P4HA2: variants seen among roughly 807,000 people sequenced by gnomAD.
The protein encoded by P4HA2 is prolyl 4-hydroxylase subunit alpha 2.
A neutral mutation model predicts 76.9 loss-of-function variants in P4HA2; 46 were observed. The observed-to-expected ratio is 0.60, with a 90% CI of 0.47 to 0.76. P4HA2 has a LOEUF of 0.76. P4HA2 is among the 30% of genes least tolerant of loss of function. P4HA2 has a pLI of 0.00. For missense variants in P4HA2, 583 were observed against 669.4 expected (o/e 0.87, Z 1.42); for synonymous variants, 243 against 254.0 (o/e 0.96, Z 0.41).
intron 1 of P4HA2, among the ~76,000 whole-genome samples, chr5:132,224,070 G>A (rs922222803): frequency 1.1e-4 from 17 of 152,188 alleles, no homozygotes; most frequent in Admixed American, 9.8e-4. Flanking sequence ...AGGGAGGAAC[G>A]CAACATGGAC....
chr5:132,218,738 T>C, intron 1 of P4HA2, 94 bp from the exon 2 acceptor site: 1 of 713,058 alleles, frequency 1.4e-6, no homozygotes, highest in South Asian at 1.6e-5. Flanking sequence ...CATATGCAGA[T>C]AATCAAACAT....
At chr5:132,213,865 G>T (rs768277738) in intron 5 of P4HA2, 51 bp downstream of exon 5, 4 of 1,590,756 alleles carry the variant, frequency 2.5e-6, no homozygotes, top group Non-Finnish European at 8.6e-7. Flanking sequence ...AACCTGTCCC[G>T]CCACTAAAGA....
chr5:132,227,023 C>T (rs1755497360), intron 1 of P4HA2: 1 of 152,676 alleles, frequency 6.5e-6, no homozygotes, highest in Non-Finnish European at 1.5e-5. Context: ...GTCCTCTGGC[C>T]GGAGGCAGTC....
Position 132,209,135 on chromosome 5 carries a change from C to T in P4HA2, c.903+3G>A. The T allele has an allele frequency of 1.2e-6, 2 of 1,610,060 alleles. No individual in the cohort carries two copies. The highest frequency in any genetic ancestry group is 1.7e-6 in the Non-Finnish European group (2 of 1,177,814). On this transcript the variant is annotated splice_donor_region_variant and intron_variant, in intron 7 of 14. Coordinates refer to ENST00000360568, the MANE Select transcript of P4HA2 (RefSeq NM_001017974.2). ...GGCACCCTAGCCCCCTCACACATCTCACCAGTTTGACACCCTCCCCACGAC... is the reference window on the plus strand; with the variant it reads ...GGCACCCTAGCCCCCTCACACATCTTACCAGTTTGACACCCTCCCCACGAC...
intron 12 of P4HA2, 85 bp downstream of exon 12, chr5:132,198,236 C>T (rs200733390): frequency 3.3e-5 from 53 of 1,614,070 alleles, no homozygotes; most frequent in Admixed American, 8.3e-5. Context: ...CACGATTCCC[C>T]GTCCCTAAAT....
chr5:132,202,155 G>A (rs1580669411), intron 10 of P4HA2: 1 of 152,158 alleles, frequency 6.6e-6, no homozygotes, highest in East Asian at 1.9e-4. Flanking sequence ...GTCCTCCATG[G>A]ATGTGCTTAT....
At position 132,192,347 on chromosome 5, in the gene P4HA2, C is replaced by T. The variant is rs959323198; in HGVS notation, c.*663G>A. On this transcript the variant is annotated 3_prime_UTR_variant, in exon 15 of 15. Transcript: ENST00000360568. ...TCTCAAAATTTAAAAATGAAGTACA[C>T]ATTATAACAGCATTACAATCATGAA... is the stretch of plus-strand genomic sequence containing the variant. 1.3e-5 allele frequency: 2 copies of T among 152,208 alleles called. No homozygotes were observed. The highest frequency in any genetic ancestry group is 2.4e-5 in the African/African-American group (1 of 41,436). The allele number at this position is 152,208 out of a possible 1,614,324, so 9.4% of individuals were successfully genotyped here. A position where few individuals can be genotyped will look rare whatever the true frequency, so the allele number is the denominator to read the frequency against.
chr5:132,193,387 G>C, intron 14 of P4HA2: 3 of 174,172 alleles, frequency 1.7e-5, no homozygotes, highest in Non-Finnish European at 2.4e-5. Flanking sequence ...TATTCCCATG[G>C]CAACCTGCAC....
chr5:132,212,131 T>C lies in P4HA2; in HGVS notation c.470-1608A>G, dbSNP rs990856311. On this transcript the variant is annotated intron_variant, in intron 5 of 14. Coordinates refer to ENST00000360568, the MANE Select transcript of P4HA2 (RefSeq NM_001017974.2). ...GGGTAAAGGTATTCCTATAGAGGGG[T>C]TGAGACAAAAGAGCTGAGTGATAGG... Among the ~76,000 whole-genome samples the C allele has an allele frequency of 5.3e-5, 8 of 151,676 alleles. No homozygotes were observed. The East Asian group carries it at 5.8e-4, about 11-fold the overall frequency.
In P4HA2 at chr5:132,218,670, T is replaced by C. The variant is rs778903430; in HGVS notation, c.-18-26A>G. ...CTGAAAGGCATTCAATGACAATCAC[T>C]GGATCAACAAAGTGAAAAAGACTAA... On this transcript the variant is annotated intron_variant, in intron 1 of 14. Transcript: ENST00000360568. 5 of 1,425,864 alleles carry C rather than the reference T, an allele frequency of 3.5e-6. No individual in the cohort carries two copies. In the South Asian group the frequency reaches 4.6e-5, roughly 13 times the overall value. 88.3% of individuals were successfully genotyped at this position (1,425,864 alleles called of 1,614,324 possible). A position where few individuals can be genotyped will look rare whatever the true frequency, so the allele number is the denominator to read the frequency against.
chr5:132,210,407 G>A lies in P4HA2; in HGVS notation c.586C>T (p.Leu196Phe). Residue 196 changes from leucine (L) to phenylalanine (F), a missense_variant, in exon 6 of 15, where the codon CTT (leucine) becomes TTT (phenylalanine). Physicochemically the swap from Leu to Phe is conservative, Grantham distance 22. Transcript: ENST00000360568. ...GTGGTGGCCTCCTCCCCGGCATCAAGCTGCTTTAGCACCTGCTCCATCCAC... is the reference window on the plus strand; with the variant it reads ...GTGGTGGCCTCCTCCCCGGCATCAAACTGCTTTAGCACCTGCTCCATCCAC... Reference protein sequence around the residue: ...VLWMEQVLKQLDAGEEATTTK... With the variant: ...VLWMEQVLKQFDAGEEATTTK... The A allele has an allele frequency of 6.2e-7, 1 of 1,614,132 alleles. No individual in the cohort carries two copies. Among genetic ancestry groups the A allele is most frequent in the Non-Finnish European group, 8.5e-7 (1 of 1,180,012 alleles).
intron 5 of P4HA2, 56 bp from the exon 6 acceptor site, chr5:132,210,579 A>G: frequency 6.3e-7 from 1 of 1,599,384 alleles, no homozygotes; most frequent in South Asian, 1.1e-5. Context: ...TTAGGGAAAG[A>G]GATTCCCACT....
intron 12 of P4HA2, among the ~76,000 whole-genome samples, chr5:132,196,186 A>G (rs1315247958): frequency 6.6e-6 from 1 of 152,228 alleles, no homozygotes; most frequent in African/African-American, 2.4e-5. Context: ...AATTGGAGGT[A>G]AAAAATATTT....
intron 9 of P4HA2, 82 bp from the exon 10 acceptor site, chr5:132,203,929 G>T: frequency 8.1e-7 from 1 of 1,233,650 alleles, no homozygotes; most frequent in Non-Finnish European, 1.2e-6. Flanking sequence ...CCAGAGTCAG[G>T]GCCAGCATGA....
At chr5:132,218,685 A>G (rs1754253286) in intron 1 of P4HA2, 41 bp from the exon 2 acceptor site, 1 of 1,255,404 alleles carries the variant, frequency 8.0e-7, no homozygotes, top group Non-Finnish European at 1.2e-6. Flanking sequence ...CAACAAAGTG[A>G]AAAAGACTAA....
chr5:132,213,061 A>G (rs1753306406), intron 5 of P4HA2, among the ~76,000 whole-genome samples: 1 of 152,216 alleles, frequency 6.6e-6, no homozygotes, highest in Non-Finnish European at 1.5e-5. Context: ...CTGGGAAGTC[A>G]GTGGGAGAGG....
intron 5 of P4HA2, among the ~76,000 whole-genome samples, chr5:132,213,314 G>T (rs865871385): frequency 2.0e-5 from 3 of 152,210 alleles, no homozygotes; most frequent in African/African-American, 7.2e-5. Flanking sequence ...GTGAGTTCAG[G>T]AGTATATGGG....
intron 5 of P4HA2, among the ~76,000 whole-genome samples, chr5:132,212,635 C>A (rs1193698109): frequency 6.6e-6 from 1 of 152,168 alleles, no homozygotes; most frequent in Non-Finnish European, 1.5e-5. Flanking sequence ...TGGTTAGAAG[C>A]TCGGGAGACA....
intron 12 of P4HA2, among the ~76,000 whole-genome samples, chr5:132,197,394 G>A (rs1315383601): frequency 6.6e-6 from 1 of 152,104 alleles, no homozygotes; most frequent in Non-Finnish European, 1.5e-5. Flanking sequence ...GATCACCTGA[G>A]GTCGGGAGTT....
Sources: allele counts gnomAD v4.1 joint callset (sites outside exome capture counted in the v4.1 genomes callset), GRCh38; gene constraint gnomAD v4.1.1; transcripts MANE v1.5; gene names NCBI Gene and HGNC (gene_info 2026-07-23, HGNC 2026-07-21).